The following RIN2 variants were observed in gnomAD, a reference collection of about 807,000 sequenced individuals.
RIN2 encodes Ras and Rab interactor 2.
Under a neutral mutation model 78.0 loss-of-function variants are expected in RIN2, and 36 were observed. That is an observed-to-expected ratio of 0.46 (90% CI 0.35 to 0.61). The LOEUF is 0.61. RIN2 is among the 20% of genes least tolerant of loss of function. The probability of loss-of-function intolerance (pLI) is 0.00; values close to 1 mark genes in which losing one functional copy is unlikely to be tolerated. For missense variants in RIN2, 1,087 were observed against 1,159.7 expected, an observed-to-expected ratio of 0.94 and a Z score of 0.91; for synonymous variants, 466 against 466.8, an observed-to-expected ratio of 1.00 and a Z score of 0.02.
At chr20:19,877,647 G>T (rs185138344) in intron 2 of RIN2, among the ~76,000 whole-genome samples, 1 of 152,274 alleles carries the variant, frequency 6.6e-6, no homozygotes, top group Non-Finnish European at 1.5e-5. Flanking sequence ...AGTGCCACAA[G>T]GATGTAACTA....
chr20:19,800,313 A>G lies in RIN2; in HGVS notation c.-37+566A>G, dbSNP rs1036953162. ...TGATGGGATTTCAGTATAGGCCACT[A>G]TGGCAGATCATATTTTTCAACATGG... On this transcript the variant is annotated intron_variant, in intron 2 of 12. Coordinates refer to ENST00000255006, the MANE Select transcript of RIN2 (RefSeq NM_018993.4). Among the ~76,000 whole-genome samples the G allele has an allele frequency of 6.6e-5, 10 of 152,172 alleles. No homozygotes were observed. In the South Asian group the frequency reaches 2.1e-3, roughly 32 times the overall value.
At chr20:19,852,130 G>A (rs550433871) in intron 2 of RIN2, among the ~76,000 whole-genome samples, 14 of 152,248 alleles carry the variant, frequency 9.2e-5, no homozygotes, top group African/African-American at 3.1e-4. Flanking sequence ...TTATTCTATT[G>A]GGCAATGCAG....
intron 9 of RIN2, among the ~76,000 whole-genome samples, chr20:19,986,295 C>A (rs111662768): frequency 0.015 from 2,267 of 151,984 alleles, 50 homozygotes; most frequent in African/African-American, 0.051. Context: ...AGGCTCTTGT[C>A]CCCTACTCTT....
chr20:19,779,648 A>T (rs754692236), intron 1 of RIN2, among the ~76,000 whole-genome samples: 1 of 152,216 alleles, frequency 6.6e-6, no homozygotes, highest in Non-Finnish European at 1.5e-5. Context: ...AGCCTCAGAT[A>T]AGTGTCCCCA....
At chr20:19,968,990 T>G (rs79139636) in intron 7 of RIN2, among the ~76,000 whole-genome samples, 2,825 of 152,078 alleles carry the variant, frequency 0.019, 98 homozygotes, top group African/African-American at 0.065. Context: ...TGAGGACAAG[T>G]GAAAGGTCTC....
chr20:19,905,943 G>C (rs2039202339), intron 3 of RIN2, among the ~76,000 whole-genome samples: 1 of 152,194 alleles, frequency 6.6e-6, no homozygotes, highest in Non-Finnish European at 1.5e-5. Flanking sequence ...ACTGCATCCT[G>C]TCACTGAATT....
intron 2 of RIN2, among the ~76,000 whole-genome samples, chr20:19,848,468 G>A (rs574637629): frequency 1.3e-4 from 19 of 150,436 alleles, no homozygotes; most frequent in Middle Eastern, 3.4e-3. Flanking sequence ...CCAGGGAGTC[G>A]GAGGTTGCAG....
At chr20:19,965,643 A>T (rs1476774999) in intron 7 of RIN2, among the ~76,000 whole-genome samples, 1 of 152,090 alleles carries the variant, frequency 6.6e-6, no homozygotes, top group African/African-American at 2.4e-5. Context: ...ATGAAGTCTC[A>T]CTCTGTCACC....
Position 19,902,015 on chromosome 20 carries a change from CAAAAAAAAAAAAAAAAA to C in RIN2, c.57+12368_57+12384del, listed in dbSNP as rs55949901. Reference sequence around the variant, plus strand: ...TGGGCGACAGAACGAGACTCTGTCTCAAAAAAAAAAAAAAAAAAAAAAAAAAATTGAGCAAACACACT... The same window carrying C: ...TGGGCGACAGAACGAGACTCTGTCTCAAAAAAAAAATTGAGCAAACACACT... On this transcript the variant is annotated intron_variant, in intron 3 of 12. Transcript: ENST00000255006. 4.0e-5 allele frequency among the ~76,000 whole-genome samples: 4 copies of C among 100,668 alleles called. No individual in the cohort carries two copies. In the East Asian group the frequency reaches 9.4e-4, roughly 24 times the overall value. 66.0% of individuals were successfully genotyped at this position (100,668 alleles called of 152,430 possible).
chr20:19,863,623 T>C (rs1239653014), intron 2 of RIN2, among the ~76,000 whole-genome samples: 1 of 152,194 alleles, frequency 6.6e-6, no homozygotes, highest in Non-Finnish European at 1.5e-5. Context: ...TCCTCCTCTT[T>C]CCTGCCTCAC....
At chr20:19,831,242 G>A (rs1214214424) in intron 2 of RIN2, among the ~76,000 whole-genome samples, 9 of 152,096 alleles carry the variant, frequency 5.9e-5, no homozygotes, top group African/African-American at 1.4e-4. Flanking sequence ...AGTTTCGTTC[G>A]TCTAAAAACG....
chr20:19,975,572 G>A lies in RIN2; in HGVS notation c.1547G>A (p.Arg516His), dbSNP rs369408237. The A allele has an allele frequency of 1.9e-6, 3 of 1,613,884 alleles. No individual in the cohort carries two copies. In the African/African-American group the frequency reaches 4.0e-5, roughly 22 times the overall value. Reference protein sequence around the residue: ...SFMTPEKRMVRRIAELSRDKC... With the variant: ...SFMTPEKRMVHRIAELSRDKC... ...ATGACCCCGGAGAAGCGGATGGTCCGCAGGATCGCCGAGCTTTCCCGGGAC... is the reference window on the plus strand; with the variant it reads ...ATGACCCCGGAGAAGCGGATGGTCCACAGGATCGCCGAGCTTTCCCGGGAC... Residue 516 changes from arginine (R) to histidine (H), a missense_variant, in exon 9 of 13, where the codon CGC becomes CAC. This residue lies in a region of RIN2 where 34 missense variants were observed against 46.1 expected (regional missense o/e 0.74). Coordinates refer to ENST00000255006, the MANE Select transcript of RIN2 (RefSeq NM_018993.4). The surrounding 1 kb of genome is among the most constrained non-coding windows in gnomAD (Gnocchi z 4.9).
chr20:19,950,378 T>C (rs1029413475), intron 4 of RIN2, among the ~76,000 whole-genome samples: 4 of 152,210 alleles, frequency 2.6e-5, no homozygotes, highest in African/African-American at 4.8e-5. Flanking sequence ...ATGAGTTTTA[T>C]AGTTATAAAA....
chr20:19,928,509 T>C (rs1433798445), intron 3 of RIN2, among the ~76,000 whole-genome samples: 1 of 152,200 alleles, frequency 6.6e-6, no homozygotes, highest in Non-Finnish European at 1.5e-5. Context: ...TGAGAAATTA[T>C]GCAGAATGAT....
rs771100549 is a variant in RIN2 at position 19,990,080 on chromosome 20, G to A, written c.1837G>A (p.Asp613Asn). The change falls in exon 10 of 13, where the codon GAC (aspartate) becomes AAC (asparagine). Residue 613 changes from aspartate to asparagine, a missense_variant. Around this residue, in one of 8 missense-constraint regions of RIN2, gnomAD observed 97 missense variants for 104.8 expected, o/e 0.93. Coordinates refer to ENST00000255006, the MANE Select transcript of RIN2 (RefSeq NM_018993.4). ...LKGHVEAMLK[D>N]FHMADGSWKQ... ...GGGGCACGTGGAGGCCATGCTGAAGGACTTTCACATGGCCGATGGCTCATG... is the reference window on the plus strand; with the variant it reads ...GGGGCACGTGGAGGCCATGCTGAAGAACTTTCACATGGCCGATGGCTCATG... 6.3e-7 allele frequency: 1 copy of A among 1,599,372 alleles called. No individual in the cohort carries two copies. The highest frequency in any genetic ancestry group is 1.1e-5 in the South Asian group (1 of 88,478).
chr20:19,845,341 C>G (rs1271860384), intron 2 of RIN2, among the ~76,000 whole-genome samples: 3 of 152,198 alleles, frequency 2.0e-5, no homozygotes, highest in African/African-American at 7.2e-5. Flanking sequence ...CTAATTTACA[C>G]TCCCACCAAC....
Position 19,995,945 on chromosome 20 carries a change from C to T in RIN2, c.2201-734C>T, listed in dbSNP as rs181575017. On this transcript the variant is annotated intron_variant, in intron 11 of 12. Coordinates refer to ENST00000255006, the MANE Select transcript of RIN2 (RefSeq NM_018993.4). ...GATACTGGCCTTGGATCACCTCACACGCCTGACTTTCCCCCCACCTCCCCG... is the reference window on the plus strand; with the variant it reads ...GATACTGGCCTTGGATCACCTCACATGCCTGACTTTCCCCCCACCTCCCCG... Among the ~76,000 whole-genome samples the T allele has an allele frequency of 2.3e-3, 346 of 152,286 alleles. 3 individuals are homozygous for T. Among genetic ancestry groups the T allele is most frequent in the East Asian group, 0.014 (71 of 5,186 alleles).
At chr20:19,907,615 A>G (rs935442464) in intron 3 of RIN2, among the ~76,000 whole-genome samples, 7 of 152,236 alleles carry the variant, frequency 4.6e-5, no homozygotes, top group Non-Finnish European at 8.8e-5. Context: ...GAGCTCAGGA[A>G]GGAAGAGGGT....
At chr20:19,886,353 A>G (rs1383870444) in intron 2 of RIN2, among the ~76,000 whole-genome samples, 2 of 152,148 alleles carry the variant, frequency 1.3e-5, no homozygotes, top group African/African-American at 4.8e-5. Context: ...TCTGCTTTTT[A>G]AGGACAGACT....
Sources: allele counts gnomAD v4.1 joint callset (sites outside exome capture counted in the v4.1 genomes callset), GRCh38; gene constraint gnomAD v4.1.1; regional missense constraint gnomAD v4.1.1; non-coding constraint Gnocchi (gnomAD v3.1); transcripts MANE v1.5; gene names NCBI Gene and HGNC (gene_info 2026-07-23, HGNC 2026-07-21).